LRFN5: variants seen among roughly 807,000 people sequenced by gnomAD.
The protein encoded by LRFN5 is leucine-rich repeat and fibronectin type-III domain-containing protein 5.
LRFN5 carries 24 observed loss-of-function variants against 45.6 expected under a neutral mutation model. That is an observed-to-expected ratio of 0.53 (90% confidence interval 0.38 to 0.74). The LOEUF (loss-of-function observed/expected upper bound fraction) is 0.74. Ranked by LOEUF, LRFN5 falls within the 30% of genes least tolerant of loss-of-function variation. The pLI is 0.00. For synonymous variants in LRFN5, 340 were observed against 313.8 expected (o/e 1.08, Z -0.88); for missense variants, 776 against 861.5 (o/e 0.90, Z 1.24).
intron 2 of LRFN5, among the ~76,000 whole-genome samples, chr14:41,882,084 G>T (rs1024400199): frequency 6.6e-6 from 1 of 152,214 alleles, no homozygotes; most frequent in Admixed American, 6.5e-5. Flanking sequence ...TCTGTGCCCT[G>T]TGGTGGTTTT....
Position 41,766,144 on chromosome 14 carries a change from G to T in LRFN5, c.-196-710G>T, listed in dbSNP as rs1340420189. Among the ~76,000 whole-genome samples the T allele has an allele frequency of 5.3e-5, 8 of 152,156 alleles. No individual in the cohort carries two copies. In the East Asian group the frequency reaches 9.6e-4, roughly 18 times the overall value. On this transcript the variant is annotated intron_variant, in intron 1 of 5. Transcript: ENST00000298119. ...ATTTCAAGAACGTTTTAAAAATTCA[G>T]CCTATTTCTGCATTACAAATATCAG...
chr14:41,687,492 C>A (rs967409899), intron 1 of LRFN5, among the ~76,000 whole-genome samples: 1 of 152,158 alleles, frequency 6.6e-6, no homozygotes, highest in African/African-American at 2.4e-5. Flanking sequence ...ACTTGGTATA[C>A]ACCCAAGGGA....
At chr14:41,684,278 AT>A (rs1566620005) in intron 1 of LRFN5, among the ~76,000 whole-genome samples, 1 of 152,146 alleles carries the variant, frequency 6.6e-6, no homozygotes, top group Admixed American at 6.5e-5. Context: ...GTATTATTCC[AT>A]TTTCACACCG....
chr14:41,793,717 C>G lies in LRFN5; in HGVS notation c.-21+26688C>G, dbSNP rs529455191. Among the ~76,000 whole-genome samples, 6 of 151,824 alleles carry G rather than the reference C, an allele frequency of 4.0e-5. No individual in the cohort carries two copies. In the South Asian group the frequency reaches 1.0e-3, roughly 26 times the overall value. On this transcript the variant is annotated intron_variant, in intron 2 of 5. Coordinates refer to ENST00000298119, the MANE Select transcript of LRFN5 (RefSeq NM_152447.5). ...ACTCCTAAGAAAAAAAAAAATAGAACTAAATAGTCACACTGCCCAAGTTTG... is the reference window on the plus strand; with the variant it reads ...ACTCCTAAGAAAAAAAAAAATAGAAGTAAATAGTCACACTGCCCAAGTTTG...
At chr14:41,658,716 A>C (rs1880491083) in intron 1 of LRFN5, among the ~76,000 whole-genome samples, 1 of 151,876 alleles carries the variant, frequency 6.6e-6, no homozygotes. Flanking sequence ...AATTTTTCTC[A>C]CTGATTATTT....
At chr14:41,892,571 G>A in intron 4 of LRFN5, 2 of 980,564 alleles carry the variant, frequency 2.0e-6, no homozygotes, top group Non-Finnish European at 2.4e-6. Context: ...TCTTTCAATG[G>A]TAATAGTGTT....
At chr14:41,787,771 T>G (rs1886779452) in intron 2 of LRFN5, among the ~76,000 whole-genome samples, 1 of 152,186 alleles carries the variant, frequency 6.6e-6, no homozygotes, top group South Asian at 2.1e-4. Flanking sequence ...GTTTATATTT[T>G]ATTTTTTATT....
chr14:41,807,899 G>T (rs759212694), intron 2 of LRFN5, among the ~76,000 whole-genome samples: 1 of 152,022 alleles, frequency 6.6e-6, no homozygotes, highest in African/African-American at 2.4e-5. Context: ...TGACGCCATC[G>T]AAGTGAATAA....
intron 1 of LRFN5, among the ~76,000 whole-genome samples, chr14:41,757,861 T>C (rs1885478479): frequency 6.6e-6 from 1 of 152,196 alleles, no homozygotes; most frequent in East Asian, 1.9e-4. Flanking sequence ...CATTGGGAGC[T>C]GTAGACTGGA....
chr14:41,865,763 A>G (rs1034893565), intron 2 of LRFN5, among the ~76,000 whole-genome samples: 1 of 152,150 alleles, frequency 6.6e-6, no homozygotes, highest in Non-Finnish European at 1.5e-5. Flanking sequence ...TAACCATTCT[A>G]ATGTGTGCAA....
At chr14:41,613,225 G>A (rs1365492473) in intron 1 of LRFN5, among the ~76,000 whole-genome samples, 1 of 151,992 alleles carries the variant, frequency 6.6e-6, no homozygotes. Context: ...AATGTCAACC[G>A]ACAAGTTTTG....
chr14:41,883,368 T>G (rs2139143434), intron 2 of LRFN5, among the ~76,000 whole-genome samples: 1 of 152,356 alleles, frequency 6.6e-6, no homozygotes, highest in South Asian at 2.1e-4. Flanking sequence ...AATAAAATAT[T>G]GCATACATAT....
intron 1 of LRFN5, among the ~76,000 whole-genome samples, chr14:41,674,656 TC>T (rs1299812823): frequency 8.7e-6 from 1 of 115,130 alleles, no homozygotes; most frequent in African/African-American, 3.4e-5. Context: ...GGGGGGCTGA[TC>T]CCCCCACCTC....
chr14:41,633,857 G>A (rs1888635008), intron 1 of LRFN5, among the ~76,000 whole-genome samples: 1 of 152,006 alleles, frequency 6.6e-6, no homozygotes. Context: ...GTGTATGTAT[G>A]TATGTATGTT....
intron 2 of LRFN5, among the ~76,000 whole-genome samples, chr14:41,794,233 G>C (rs12883698): frequency 0.39 from 58,790 of 151,766 alleles, 12,292 homozygotes; most frequent in African/African-American, 0.55. Flanking sequence ...GACTATTTCT[G>C]CTTCCTGTGT....
intron 1 of LRFN5, among the ~76,000 whole-genome samples, chr14:41,672,945 A>G (rs192869510): frequency 1.4e-3 from 219 of 152,328 alleles, no homozygotes; most frequent in Non-Finnish European, 2.4e-3. Flanking sequence ...GTATCATATT[A>G]TATAAATATA....
At chr14:41,716,282 C>T (rs990603511) in intron 1 of LRFN5, among the ~76,000 whole-genome samples, 1 of 152,152 alleles carries the variant, frequency 6.6e-6, no homozygotes, top group Non-Finnish European at 1.5e-5. Flanking sequence ...CTCCTTGTTA[C>T]TTATACAAAT....
At chr14:41,647,109 C>G (rs1372398806) in intron 1 of LRFN5, among the ~76,000 whole-genome samples, 2 of 152,154 alleles carry the variant, frequency 1.3e-5, no homozygotes, top group Non-Finnish European at 2.9e-5. Flanking sequence ...TTATCAAGTT[C>G]CCCTGATGTT....
chr14:41,850,179 A>G (rs1335908032), intron 2 of LRFN5, among the ~76,000 whole-genome samples: 1 of 151,990 alleles, frequency 6.6e-6, no homozygotes, highest in East Asian at 1.9e-4. Context: ...CTGAACATGT[A>G]TAGTATATTT....
Sources: gnomAD v4.1 joint callset for allele counts (sites outside exome capture counted in the v4.1 genomes callset) on GRCh38, gnomAD v4.1.1 for gene constraint, MANE v1.5 for transcripts, NCBI Gene and HGNC (gene_info 2026-07-23, HGNC 2026-07-21) for gene names.